Variants in BCL7C observed in about 807,000 individuals in gnomAD.
BCL7C encodes the protein B-cell CLL/lymphoma 7 protein family member C.
In BCL7C, 8 loss-of-function variants were observed where a neutral mutation model predicts 26.2. That is an observed-to-expected ratio of 0.30 (90% CI 0.18 to 0.55). BCL7C has a LOEUF of 0.55. Ranked by LOEUF, BCL7C falls within the 20% of genes least tolerant of loss-of-function variation. BCL7C has a pLI of 0.93. For missense variants in BCL7C, 262 were observed against 298.5 expected, an observed-to-expected ratio of 0.88 and a Z score of 0.90; for synonymous variants, 90 against 116.5, an observed-to-expected ratio of 0.77 and a Z score of 1.47.
chr16:30,884,165 GGGT>G (rs1185992973), downstream of BCL7C, among the ~76,000 whole-genome samples: 2 of 150,816 alleles, frequency 1.3e-5, no homozygotes, highest in African/African-American at 4.9e-5. Context: ...GGGCATGAGA[GGGT>G]GGGGGCATGC....
chr16:30,888,054 T>G, intron 5 of BCL7C, 64 bp from the exon 6 acceptor site: 2 of 1,521,134 alleles, frequency 1.3e-6, no homozygotes, highest in Non-Finnish European at 1.8e-6. Flanking sequence ...TCTGAGCCTC[T>G]GCCTTCTCCA....
At chr16:30,885,427 T>G (rs1233390224), downstream of BCL7C, among the ~76,000 whole-genome samples, 2 of 151,594 alleles carry the variant, frequency 1.3e-5, no homozygotes, top group Admixed American at 6.6e-5. Context: ...TTTTTTTTTT[T>G]GAGATGGAGT....
rs151291847 is a variant in BCL7C at position 30,861,678 on chromosome 16, G to A, written c.529-26530C>T. 1.2e-3 allele frequency among the ~76,000 whole-genome samples: 188 copies of A among 152,178 alleles called. 1 individual carries two copies. Among genetic ancestry groups the A allele is most frequent in the African/African-American group, 4.0e-3 (167 of 41,530 alleles). On this transcript the variant is annotated intron_variant, in intron 5 of 5. Coordinates refer to the BCL7C transcript ENST00000380317. ...GGAAGCCTCCTGGACCATCACAGACGCTTTGGGTAACTCTTACAGTGGAGG... is the reference window on the plus strand; with the variant it reads ...GGAAGCCTCCTGGACCATCACAGACACTTTGGGTAACTCTTACAGTGGAGG...
intron 5 of BCL7C, among the ~76,000 whole-genome samples, chr16:30,869,706 T>C (rs1175760974): frequency 6.6e-6 from 1 of 151,010 alleles, no homozygotes; most frequent in African/African-American, 2.4e-5. Context: ...AGAGATGGGG[T>C]CTCGCTATGG....
intron 5 of BCL7C, among the ~76,000 whole-genome samples, chr16:30,871,119 G>A (rs2054878959): frequency 6.6e-6 from 1 of 152,192 alleles, no homozygotes; most frequent in African/African-American, 2.4e-5. Context: ...CTGAGTGGGA[G>A]ATCCAGGTCT....
chr16:30,835,223 CA>C, intron 5 of BCL7C: 1 of 1,316,592 alleles, frequency 7.6e-7, no homozygotes, highest in Non-Finnish European at 1.0e-6. Context: ...CAACTTGTCC[CA>C]TTTATGACTT....
intron 5 of BCL7C, among the ~76,000 whole-genome samples, chr16:30,844,365 A>G (rs2054621434): frequency 6.7e-6 from 1 of 150,156 alleles, no homozygotes; most frequent in Non-Finnish European, 1.5e-5. Flanking sequence ...AAAAAAAAAA[A>G]AAAAAAAAAG....
intron 5 of BCL7C, among the ~76,000 whole-genome samples, chr16:30,855,030 A>G (rs2054708150): frequency 6.6e-6 from 1 of 152,034 alleles, no homozygotes; most frequent in Admixed American, 6.6e-5. Flanking sequence ...GTAATTAATA[A>G]CATAATTAAT....
chr16:30,841,773 G>A (rs1454569040), intron 5 of BCL7C, among the ~76,000 whole-genome samples: 2 of 151,876 alleles, frequency 1.3e-5, no homozygotes. Context: ...GGCTAACATG[G>A]TGAAACCCCA....
chr16:30,860,095 C>A (rs2151371219), intron 5 of BCL7C, among the ~76,000 whole-genome samples: 1 of 151,908 alleles, frequency 6.6e-6, no homozygotes, highest in South Asian at 2.1e-4. Flanking sequence ...ACCCTTCAAT[C>A]TCCCTGTCCT....
chr16:30,857,084 G>A (rs2054728722), intron 5 of BCL7C, among the ~76,000 whole-genome samples: 2 of 152,092 alleles, frequency 1.3e-5, no homozygotes, highest in Admixed American at 1.3e-4. Flanking sequence ...CCTGAGTCAG[G>A]TCAAATAAAG....
chr16:30,892,674 G>C lies in BCL7C; in HGVS notation c.354C>G (p.Thr118=). The C allele has an allele frequency of 1.9e-6, 3 of 1,614,000 alleles. No individual in the cohort carries two copies. Among genetic ancestry groups the C allele is most frequent in the Non-Finnish European group, 2.5e-6 (3 of 1,179,952 alleles). ...QKGTEPSPGG[T]PQPSRPVSPA... is the part of the protein sequence containing the mutation. Reference sequence around the variant, plus strand: ...GTGACACAGGGCGGCTGGGCTGGGGGGTGCCCCCAGGACTGGGCTCTGTGC... The same window carrying C: ...GTGACACAGGGCGGCTGGGCTGGGGCGTGCCCCCAGGACTGGGCTCTGTGC... Residue 118 remains threonine (T), a synonymous_variant, in exon 4 of 6, where the codon ACC becomes ACG. Coordinates refer to ENST00000215115, the MANE Select transcript of BCL7C (RefSeq NM_004765.4).
intron 5 of BCL7C, chr16:30,851,270 T>C: frequency 3.9e-6 from 1 of 255,118 alleles, no homozygotes; most frequent in Non-Finnish European, 7.7e-6. Context: ...AAATGAAGTC[T>C]CACTCTGTCG....
chr16:30,857,117 G>A (rs1170343338), intron 5 of BCL7C, among the ~76,000 whole-genome samples: 1 of 152,022 alleles, frequency 6.6e-6, no homozygotes, highest in Non-Finnish European at 1.5e-5. Flanking sequence ...GGCTGGGCAC[G>A]GTGGCTTATG....
intron 5 of BCL7C, among the ~76,000 whole-genome samples, chr16:30,876,826 G>T (rs1470790292): frequency 6.6e-6 from 1 of 152,186 alleles, no homozygotes; most frequent in Non-Finnish European, 1.5e-5. Flanking sequence ...GGGGAAAGGG[G>T]CAGGAGAGGT....
intron 5 of BCL7C, among the ~76,000 whole-genome samples, chr16:30,882,215 G>A (rs1164706586): frequency 2.0e-5 from 3 of 152,020 alleles, no homozygotes; most frequent in Admixed American, 6.6e-5. Flanking sequence ...TGCCTGCCTC[G>A]GCCTCCCAAA....
In BCL7C at chr16:30,892,582, C is replaced by T. The variant is rs1195967917; in HGVS notation, c.442+4G>A. 1.9e-6 allele frequency: 3 copies of T among 1,550,148 alleles called. No homozygotes were observed. The highest frequency in any genetic ancestry group is 1.7e-4 in the Middle Eastern group (1 of 5,720). On this transcript the variant is annotated splice_donor_region_variant and intron_variant, in intron 4 of 5. Coordinates refer to ENST00000215115, the MANE Select transcript of BCL7C (RefSeq NM_004765.4). ...GAGAGCTCCTGGGAGGTACCTGGTC[C>T]TACCTCTCTCTTGGCCCAGCCGTGG...
intron 5 of BCL7C, among the ~76,000 whole-genome samples, chr16:30,846,221 T>TTTATTTA (rs1297277630): frequency 6.8e-6 from 1 of 147,976 alleles, no homozygotes; most frequent in Non-Finnish European, 1.5e-5. Flanking sequence ...TATTTATTTA[T>TTTATTTA]TTATTTATTT....
At position 30,855,615 on chromosome 16, in the gene BCL7C, G is replaced by T. The variant is rs1190391690; in HGVS notation, c.529-20467C>A. Among the ~76,000 whole-genome samples the T allele has an allele frequency of 3.3e-5, 5 of 152,174 alleles. No homozygotes were observed. In the East Asian group the frequency reaches 7.7e-4, roughly 24 times the overall value. ...ATCCTTTAATAGCTTCTGTCACTTT[G>T]TTCTTGTTCTTTAAGATCATTGCTA... On this transcript the variant is annotated intron_variant, in intron 5 of 5. Transcript: ENST00000380317.
Sources: gnomAD v4.1 joint callset for allele counts (sites outside exome capture counted in the v4.1 genomes callset) on GRCh38, gnomAD v4.1.1 for gene constraint, MANE v1.5 for transcripts, NCBI Gene and HGNC (gene_info 2026-07-23, HGNC 2026-07-21) for gene names.